Variants in TNFRSF1B observed in about 807,000 individuals in gnomAD.
TNFRSF1B encodes TNF receptor superfamily member 1B.
TNFRSF1B carries 19 observed loss-of-function variants against 44.6 expected under a neutral mutation model. The observed-to-expected ratio is 0.43, with a 90% confidence interval of 0.30 to 0.62. The LOEUF (loss-of-function observed/expected upper bound fraction) is 0.62. TNFRSF1B is among the 20% of genes least tolerant of loss of function. TNFRSF1B has a pLI of 0.16. For synonymous variants in TNFRSF1B, 252 were observed against 261.1 expected, an observed-to-expected ratio of 0.97 and a Z score of 0.34; for missense variants, 541 against 619.9, an observed-to-expected ratio of 0.87 and a Z score of 1.35.
At position 12,183,801 on chromosome 1, in the gene TNFRSF1B, TCTAG is replaced by T. The variant is rs1557629433; in HGVS notation, c.79-4991_79-4988del. On this transcript the variant is annotated intron_variant, in intron 1 of 9. Transcript: ENST00000376259. ...TTCTATCTACCTACCTATCTATCTA[TCTAG>T]CTATCTATCTATTCTATCTACCTAT... Among the ~76,000 whole-genome samples the T allele has an allele frequency of 9.6e-3, 1,333 of 138,874 alleles. 29 individuals are homozygous for T. Among genetic ancestry groups the T allele is most frequent in the South Asian group, 0.017 (69 of 4,170 alleles). 91.1% of individuals were successfully genotyped at this position (138,874 alleles called of 152,430 possible).
At chr1:12,179,668 A>C (rs1319528188) in intron 1 of TNFRSF1B, among the ~76,000 whole-genome samples, 1 of 152,188 alleles carries the variant, frequency 6.6e-6, no homozygotes, top group Non-Finnish European at 1.5e-5. Flanking sequence ...CCTTGTCTGT[A>C]AAATGAGGGA....
intron 1 of TNFRSF1B, among the ~76,000 whole-genome samples, chr1:12,181,596 C>A (rs977150253): frequency 5.9e-5 from 9 of 152,302 alleles, no homozygotes; most frequent in African/African-American, 2.2e-4. Context: ...TGCACATAGA[C>A]CCTCTAACCT....
At chr1:12,195,668 G>A (rs1419230860) in intron 8 of TNFRSF1B, among the ~76,000 whole-genome samples, 2 of 152,194 alleles carry the variant, frequency 1.3e-5, no homozygotes, top group Non-Finnish European at 2.9e-5. Context: ...GAAAGAGGGT[G>A]TTTTGCTTTT....
chr1:12,169,121 C>A lies in TNFRSF1B; in HGVS notation c.78+1952C>A, dbSNP rs1031058446. Among the ~76,000 whole-genome samples the A allele has an allele frequency of 6.6e-6, 1 of 152,204 alleles. No homozygotes were observed. The highest frequency in any genetic ancestry group is 1.5e-5 in the Non-Finnish European group (1 of 68,042). ...GCCATTCTCTCCAGGAAAGCCTTTCCGCATTCTCAGTTGGATTTGATCTTC... is the reference window on the plus strand; with the variant it reads ...GCCATTCTCTCCAGGAAAGCCTTTCAGCATTCTCAGTTGGATTTGATCTTC... On this transcript the variant is annotated intron_variant, in intron 1 of 9. Coordinates refer to ENST00000376259, the MANE Select transcript of TNFRSF1B (RefSeq NM_001066.3). This position sits in a 1 kb window ranked among gnomAD's most constrained non-coding sequence, Gnocchi z 4.5.
chr1:12,192,315 G>A (rs562970885), intron 4 of TNFRSF1B, 116 bp from the exon 5 acceptor site: 1,363 of 785,262 alleles, frequency 1.7e-3, no homozygotes, highest in Admixed American at 2.5e-3. Context: ...TGTAAGGGGT[G>A]GAGGTGCAGA....
At chr1:12,174,263 C>G (rs527371295) in intron 1 of TNFRSF1B, among the ~76,000 whole-genome samples, 1 of 142,684 alleles carries the variant, frequency 7.0e-6, no homozygotes, top group Non-Finnish European at 1.5e-5. Context: ...TCTCCTTCTT[C>G]TTCTGATGGA....
rs1474665319 is a variant in TNFRSF1B, at chr1:12,187,201, G to A, written c.79-1595G>A. On this transcript the variant is annotated intron_variant, in intron 1 of 9. Transcript: ENST00000376259. The surrounding 1 kb of genome is among the most constrained non-coding windows in gnomAD (Gnocchi z 5.5). ...GGAGTTTTGCTCTGTCAATTAGGCT[G>A]GAAGTGCAGTGGCATGATCTCAGCT... Among the ~76,000 whole-genome samples the A allele has an allele frequency of 7.3e-5, 11 of 149,884 alleles. No homozygotes were observed. The highest frequency in any genetic ancestry group is 1.3e-4 in the Non-Finnish European group (9 of 67,646).
Position 12,192,924 on chromosome 1 carries a change from C to A in TNFRSF1B, c.613C>A (p.Pro205Thr). 6.2e-7 allele frequency: 1 copy of A among 1,614,214 alleles called. No homozygotes were observed. Among genetic ancestry groups the A allele is most frequent in the Non-Finnish European group, 8.5e-7 (1 of 1,180,024 alleles). ...GGATGCAGTCTGCACGTCCACGTCC[C>A]CCACCCGGAGTATGGCCCCAGGGGC... is the stretch of plus-strand genomic sequence containing the variant. Reference protein sequence around the residue: ...SMDAVCTSTSPTRSMAPGAVH... With the variant: ...SMDAVCTSTSTTRSMAPGAVH... Residue 205 changes from proline (P) to threonine (T), a missense_variant, in exon 6 of 10, where the codon CCC becomes ACC. Physicochemically the swap from Pro to Thr is conservative, Grantham distance 38. Transcript: ENST00000376259.
chr1:12,183,756 G>C (rs145937837), intron 1 of TNFRSF1B, among the ~76,000 whole-genome samples: 11 of 82,686 alleles, frequency 1.3e-4, no homozygotes, highest in Non-Finnish European at 1.7e-4. Flanking sequence ...TATCTAGCTA[G>C]CTAGCTAGCT....
intron 1 of TNFRSF1B, among the ~76,000 whole-genome samples, chr1:12,184,338 G>C (rs1336594589): frequency 6.6e-6 from 1 of 152,032 alleles, no homozygotes; most frequent in Non-Finnish European, 1.5e-5. Context: ...CCATGACAAG[G>C]CTGTGGATTT....
intron 9 of TNFRSF1B, 38 bp from the exon 10 acceptor site, chr1:12,206,701 AC>A (rs1557642589): frequency 6.6e-7 from 1 of 1,514,232 alleles, no homozygotes; most frequent in Non-Finnish European, 8.9e-7. Flanking sequence ...CCACTCCTGG[AC>A]CCCCGGACTG....
chr1:12,175,688 C>T (rs1638639271), intron 1 of TNFRSF1B, among the ~76,000 whole-genome samples: 1 of 152,192 alleles, frequency 6.6e-6, no homozygotes, highest in African/African-American at 2.4e-5. Context: ...CCCACTCCTG[C>T]ATCCCATTCT....
intron 8 of TNFRSF1B, among the ~76,000 whole-genome samples, chr1:12,201,219 C>T (rs974364014): frequency 6.7e-6 from 1 of 149,132 alleles, no homozygotes; most frequent in East Asian, 2.0e-4. Flanking sequence ...TATGATTGTG[C>T]CACTCCACTC....
intron 2 of TNFRSF1B, 35 bp downstream of exon 2, chr1:12,188,930 C>T: frequency 6.3e-7 from 1 of 1,592,424 alleles, no homozygotes; most frequent in Non-Finnish European, 8.6e-7. Context: ...GGGGCCCATG[C>T]CCTGGAGGAG....
At chr1:12,204,951 G>A (rs1639469561) in intron 9 of TNFRSF1B, among the ~76,000 whole-genome samples, 1 of 151,906 alleles carries the variant, frequency 6.6e-6, no homozygotes, top group South Asian at 2.1e-4. Context: ...AAGGCAGGAG[G>A]ATCACTTGAG....
intron 1 of TNFRSF1B, among the ~76,000 whole-genome samples, chr1:12,183,524 A>C (rs965338501): frequency 3.3e-5 from 5 of 150,318 alleles, no homozygotes; most frequent in African/African-American, 1.2e-4. Context: ...CCATCTATTT[A>C]TCTTGTATCT....
chr1:12,167,265 C>A (rs1428587889), intron 1 of TNFRSF1B, 96 bp downstream of exon 1: 1 of 976,230 alleles, frequency 1.0e-6, no homozygotes, highest in African/African-American at 1.7e-5. Flanking sequence ...TCTCCCGGGG[C>A]GCTGTCACGG....
Position 12,207,226 on chromosome 1 carries a change from C to T in TNFRSF1B, c.*206C>T, listed in dbSNP as rs1639525699. 1 of 494,236 alleles carries T rather than the reference C, an allele frequency of 2.0e-6. No homozygotes were observed. Among genetic ancestry groups the T allele is most frequent in the Admixed American group, 3.7e-5 (1 of 26,936 alleles). The allele number at this position is 494,236 out of a possible 1,614,324, so 30.6% of individuals were successfully genotyped here. A position where few individuals can be genotyped will look rare whatever the true frequency, so the allele number is the denominator to read the frequency against. ...GGCAGCGAGTTGTGGAAAGCCTCTG[C>T]TGCCATGGCGTGTCCCTCTCGGAAG... On this transcript the variant is annotated 3_prime_UTR_variant, in exon 10 of 10. Coordinates refer to ENST00000376259, the MANE Select transcript of TNFRSF1B (RefSeq NM_001066.3).
chr1:12,205,013 TA>T (rs964822661), intron 9 of TNFRSF1B, among the ~76,000 whole-genome samples: 26 of 150,664 alleles, frequency 1.7e-4, no homozygotes, highest in African/African-American at 6.1e-4. Context: ...CCGTCTCTAC[TA>T]AAAAAATAAA....
Sources: gnomAD v4.1 joint callset for allele counts (sites outside exome capture counted in the v4.1 genomes callset) on GRCh38, gnomAD v4.1.1 for gene constraint, Gnocchi (gnomAD v3.1) non-coding constraint, MANE v1.5 for transcripts, NCBI Gene and HGNC (gene_info 2026-07-23, HGNC 2026-07-21) for gene names.